The following GALNT15 variants were observed in gnomAD, a reference collection of about 807,000 sequenced individuals.
The protein encoded by GALNT15 is polypeptide N-acetylgalactosaminyltransferase 15.
Under a neutral mutation model 66.8 loss-of-function variants are expected in GALNT15, and 67 were observed. The observed-to-expected ratio is 1.00, with a 90% confidence interval of 0.82 to 1.23. The LOEUF is 1.23. GALNT15 is among the 50% of genes most tolerant of loss of function. GALNT15 has a pLI of 0.00. For synonymous variants in GALNT15, 313 were observed against 311.5 expected (o/e 1.00, Z -0.05); for missense variants, 827 against 804.3 (o/e 1.03, Z -0.34).
downstream of GALNT15, among the ~76,000 whole-genome samples, chr3:16,236,126 A>AAAAAAAAAAAAAAAAC (rs2064124416): frequency 6.9e-6 from 1 of 145,120 alleles, no homozygotes; most frequent in Non-Finnish European, 1.5e-5. Context: ...AAAAAAAAAA[A>AAAAAAAAAAAAAAAAC]AAAAAGGACT....
chr3:16,177,536 A>G (rs1018292412), intron 1 of GALNT15, among the ~76,000 whole-genome samples: 2 of 152,176 alleles, frequency 1.3e-5, no homozygotes, highest in Non-Finnish European at 2.9e-5. Flanking sequence ...TGGTGCCTAT[A>G]TGCTTGGTGC....
In GALNT15 at chr3:16,229,113, T is replaced by C. The variant is rs1575003439; in HGVS notation, c.*1613T>C. The C allele has an allele frequency of 4.1e-6, 4 of 985,424 alleles. No homozygotes were observed. The highest frequency in any genetic ancestry group is 4.8e-6 in the Non-Finnish European group (4 of 829,914). The allele number at this position is 985,424 out of a possible 1,614,324, so 61.0% of individuals were successfully genotyped here. On this transcript the variant is annotated 3_prime_UTR_variant, in exon 10 of 10. Transcript: ENST00000339732. ...CTTCCCCTAAAGATGCTAATCTCCT[T>C]TGGGCTGTCTCAGAACACAGTATCC... is the stretch of plus-strand genomic sequence containing the variant.
chr3:16,247,913 G>C, the GALNT15 span, among the ~76,000 whole-genome samples: 1 of 152,306 alleles, frequency 6.6e-6, no homozygotes, highest in Middle Eastern at 3.4e-3. Flanking sequence ...TCCCAGGAAC[G>C]AAGTGGCATG....
chr3:16,185,375 T>G (rs2063506809), intron 1 of GALNT15, among the ~76,000 whole-genome samples: 1 of 152,238 alleles, frequency 6.6e-6, no homozygotes, highest in Admixed American at 6.5e-5. Flanking sequence ...TTGTGGCACT[T>G]ATATCTGCAA....
Position 16,187,708 on chromosome 3 carries a change from G to A in GALNT15, c.540-8052G>A, listed in dbSNP as rs921681875. ...GACTCACATTATAAAGAAACACGAT[G>A]AACAGATATGTTGTGACCATCTTTG... is the stretch of plus-strand genomic sequence containing the variant. On this transcript the variant is annotated intron_variant, in intron 1 of 9. Coordinates refer to ENST00000339732, the MANE Select transcript of GALNT15 (RefSeq NM_054110.5). This position sits in a 1 kb window ranked among gnomAD's most constrained non-coding sequence, Gnocchi z 5.1. 1.3e-5 allele frequency among the ~76,000 whole-genome samples: 2 copies of A among 152,182 alleles called. No individual in the cohort carries two copies. Among genetic ancestry groups the A allele is most frequent in the African/African-American group, 4.8e-5 (2 of 41,432 alleles).
chr3:16,202,526 G>A (rs1326707239), intron 3 of GALNT15, among the ~76,000 whole-genome samples: 2 of 152,180 alleles, frequency 1.3e-5, no homozygotes, highest in South Asian at 2.1e-4. Context: ...CCAGCTACTC[G>A]GGAGGCTGAG....
downstream of GALNT15, among the ~76,000 whole-genome samples, chr3:16,230,220 C>T (rs533233408): frequency 7.2e-5 from 11 of 152,140 alleles, no homozygotes; most frequent in South Asian, 1.2e-3. This position sits in a 1 kb window ranked among gnomAD's most constrained non-coding sequence, Gnocchi z 4.5. Flanking sequence ...GAGAAGTGTC[C>T]GGCCAGCAGT....
At chr3:16,221,279 T>A (rs1389584772) in intron 8 of GALNT15, among the ~76,000 whole-genome samples, 11 of 141,216 alleles carry the variant, frequency 7.8e-5, no homozygotes, top group Non-Finnish European at 1.4e-4. Context: ...TTTGAAATAG[T>A]AAGGACTTTA....
chr3:16,196,405 G>C (rs984467017), intron 2 of GALNT15, among the ~76,000 whole-genome samples: 2 of 152,268 alleles, frequency 1.3e-5, no homozygotes, highest in East Asian at 3.9e-4. Flanking sequence ...GGAAACTGGG[G>C]CCCAGAGAAG....
chr3:16,202,283 C>T (rs960968143), intron 3 of GALNT15, among the ~76,000 whole-genome samples: 1 of 152,222 alleles, frequency 6.6e-6, no homozygotes, highest in African/African-American at 2.4e-5. Context: ...ACTCACATCT[C>T]ATAAGAAAAG....
Position 16,211,921 on chromosome 3 carries a change from C to T in GALNT15, c.1198-648C>T, listed in dbSNP as rs1367405050. ...AGACCCTATGAGTTTGCTGTGGCAC[C>T]CTGGGGCACCTTGGCACATAATTTG... On this transcript the variant is annotated intron_variant, in intron 5 of 9. Transcript: ENST00000339732. This position sits in a 1 kb window ranked among gnomAD's most constrained non-coding sequence, Gnocchi z 4.3. Among the ~76,000 whole-genome samples, 5 of 152,148 alleles carry T rather than the reference C, an allele frequency of 3.3e-5. No individual in the cohort carries two copies. The highest frequency in any genetic ancestry group is 6.5e-5 in the Admixed American group (1 of 15,282).
In GALNT15 at chr3:16,204,102, A is replaced by C. The variant is rs2063732035; in HGVS notation, c.911+3279A>C. 6.6e-6 allele frequency among the ~76,000 whole-genome samples: 1 copy of C among 151,450 alleles called. No individual in the cohort carries two copies. On this transcript the variant is annotated intron_variant, in intron 3 of 9. Coordinates refer to ENST00000339732, the MANE Select transcript of GALNT15 (RefSeq NM_054110.5). This position sits in a 1 kb window ranked among gnomAD's most constrained non-coding sequence, Gnocchi z 4.5. Reference sequence around the variant, plus strand: ...TGGTGAGTGAACAGTGCAGTAAGCCACAAATCAGCTCTTTCAAAGAGCCGT... The same window carrying C: ...TGGTGAGTGAACAGTGCAGTAAGCCCCAAATCAGCTCTTTCAAAGAGCCGT...
At chr3:16,234,678 A>G (rs1198844154), downstream of GALNT15, among the ~76,000 whole-genome samples, 1 of 152,230 alleles carries the variant, frequency 6.6e-6, no homozygotes, top group Non-Finnish European at 1.5e-5. Context: ...ATGTCTCCTA[A>G]TGGGGAAACC....
chr3:16,175,580 G>A lies in GALNT15; in HGVS notation c.429G>A (p.Val143=). 2.5e-6 allele frequency: 4 copies of A among 1,613,816 alleles called. No individual in the cohort carries two copies. Among genetic ancestry groups the A allele is most frequent in the South Asian group, 1.1e-5 (1 of 91,084 alleles). Residue 143 remains valine, a synonymous_variant, in exon 1 of 10, where the codon GTG becomes GTA. Coordinates refer to ENST00000339732, the MANE Select transcript of GALNT15 (RefSeq NM_054110.5). This position sits in a 1 kb window ranked among gnomAD's most constrained non-coding sequence, Gnocchi z 5.6. ...RDWGADEDGE[V]SEEEELTPFS... The stretch of plus-strand genomic sequence containing the variant: ...GGGGGGCTGATGAGGACGGGGAGGT[G>A]TCTGAAGAAGAGGAGTTGACCCCGT...
chr3:16,194,846 G>A (rs565677901), intron 1 of GALNT15, among the ~76,000 whole-genome samples: 2 of 152,290 alleles, frequency 1.3e-5, no homozygotes, highest in South Asian at 4.1e-4. Flanking sequence ...CATGGGGAGG[G>A]AGAGCATCAG....
At chr3:16,197,209 G>A (rs1461052449) in intron 2 of GALNT15, among the ~76,000 whole-genome samples, 1 of 152,190 alleles carries the variant, frequency 6.6e-6, no homozygotes, top group Admixed American at 6.5e-5. Context: ...AGTACGGAAA[G>A]TGGAGGAGCT....
chr3:16,188,854 T>C lies in GALNT15; in HGVS notation c.540-6906T>C, dbSNP rs2063545361. On this transcript the variant is annotated intron_variant, in intron 1 of 9. Transcript: ENST00000339732. The surrounding 1 kb of genome is among the most constrained non-coding windows in gnomAD (Gnocchi z 4.6). ...AGGTCCTTAGCACCATTTCCCTCTC[T>C]GTCCTCACTTCCACCTCCCTCCTTG... Among the ~76,000 whole-genome samples, 1 of 152,110 alleles carries C rather than the reference T, an allele frequency of 6.6e-6. No homozygotes were observed.
Position 16,222,608 on chromosome 3 carries a change from G to A in GALNT15, c.1630-7G>A. 2.5e-6 allele frequency: 4 copies of A among 1,614,214 alleles called. No homozygotes were observed. The highest frequency in any genetic ancestry group is 3.4e-6 in the Non-Finnish European group (4 of 1,180,026). ...AGCTGCGCTAACAACTATTGCTTCT[G>A]TCACAGTACCTGCAGCACACCAGCA... On this transcript the variant is annotated splice_region_variant and splice_polypyrimidine_tract_variant and intron_variant, in intron 8 of 9. Transcript: ENST00000339732.
At position 16,219,281 on chromosome 3, in the gene GALNT15, G is replaced by A. The variant is rs2063915022; in HGVS notation, c.1393-122G>A. The A allele has an allele frequency of 8.1e-7, 1 of 1,237,396 alleles. No homozygotes were observed. Among genetic ancestry groups the A allele is most frequent in the Non-Finnish European group, 1.1e-6 (1 of 877,466 alleles). The allele number at this position is 1,237,396 out of a possible 1,614,324, so 76.7% of individuals were successfully genotyped here. On this transcript the variant is annotated intron_variant, in intron 6 of 9. Coordinates refer to ENST00000339732, the MANE Select transcript of GALNT15 (RefSeq NM_054110.5). The surrounding 1 kb of genome is among the most constrained non-coding windows in gnomAD (Gnocchi z 4.3). ...CCCCACTGCAGCCCTGGAGAACTGT[G>A]GTCTTGGCCCCTTCCTTCTGTCCTG... is the stretch of plus-strand genomic sequence containing the variant.
Sources: allele counts gnomAD v4.1 joint callset (sites outside exome capture counted in the v4.1 genomes callset), GRCh38; gene constraint gnomAD v4.1.1; non-coding constraint Gnocchi (gnomAD v3.1); transcripts MANE v1.5; gene names NCBI Gene and HGNC (gene_info 2026-07-23, HGNC 2026-07-21).